The following CDKAL1 variants were observed in gnomAD, a reference collection of about 807,000 sequenced individuals.
CDKAL1 encodes the protein CDKAL1 threonylcarbamoyladenosine tRNA methylthiotransferase.
CDKAL1 carries 32 observed loss-of-function variants against 68.2 expected under a neutral mutation model. The ratio of observed to expected loss-of-function variants is 0.47; its 90% confidence interval spans 0.35 to 0.63. CDKAL1 has a LOEUF of 0.63. Among genes scored for constraint, CDKAL1 ranks in the 30% least tolerant of loss-of-function variants. The pLI is 0.00. For missense variants in CDKAL1, 606 were observed against 696.7 expected (o/e 0.87, Z 1.47); for synonymous variants, 234 against 244.3 (o/e 0.96, Z 0.39).
At chr6:21,191,630 T>TCACC (rs1778241743) in intron 13 of CDKAL1, among the ~76,000 whole-genome samples, 1 of 151,864 alleles carries the variant, frequency 6.6e-6, no homozygotes, top group South Asian at 2.1e-4. Context: ...ACTGAGCAAA[T>TCACC]CACCCATCTT....
intron 9 of CDKAL1, among the ~76,000 whole-genome samples, chr6:20,915,104 A>G (rs1762661130): frequency 6.6e-6 from 1 of 152,082 alleles, no homozygotes; most frequent in Non-Finnish European, 1.5e-5. Context: ...CATATCTAAA[A>G]GAAATATATA....
rs186417527 is a variant in CDKAL1 at position 20,975,512 on chromosome 6, G to A, written c.909+19927G>A. 3.9e-5 allele frequency among the ~76,000 whole-genome samples: 6 copies of A among 152,038 alleles called. No individual in the cohort carries two copies. The East Asian group carries it at 9.7e-4, about 24-fold the overall frequency. On this transcript the variant is annotated intron_variant, in intron 10 of 15. Transcript: ENST00000274695. Reference sequence around the variant, plus strand: ...TATATGCTTATTATATATTTCATTCGATGTCTTTGCATACATAACATCTAT... The same window carrying A: ...TATATGCTTATTATATATTTCATTCAATGTCTTTGCATACATAACATCTAT...
intron 8 of CDKAL1, among the ~76,000 whole-genome samples, chr6:20,826,381 C>T (rs1777502712): frequency 6.6e-6 from 1 of 151,974 alleles, no homozygotes; most frequent in African/African-American, 2.4e-5. Flanking sequence ...GCTTGCTTTT[C>T]TTGTGAAAGT....
chr6:20,909,814 C>T (rs1389836076), intron 9 of CDKAL1, among the ~76,000 whole-genome samples: 1 of 152,092 alleles, frequency 6.6e-6, no homozygotes, highest in East Asian at 1.9e-4. Context: ...CCAGGAGGGA[C>T]TGAGCAGCAG....
At chr6:20,588,547 C>T (rs1186758698) in intron 4 of CDKAL1, among the ~76,000 whole-genome samples, 1 of 152,182 alleles carries the variant, frequency 6.6e-6, no homozygotes, top group East Asian at 1.9e-4. Context: ...TACAGAATCT[C>T]TTTGAAGTTT....
At chr6:20,900,408 G>C (rs1761904263) in intron 9 of CDKAL1, among the ~76,000 whole-genome samples, 1 of 152,220 alleles carries the variant, frequency 6.6e-6, no homozygotes, top group Admixed American at 6.5e-5. Flanking sequence ...TTAGTAAGCT[G>C]TGAGAAGCAC....
intron 10 of CDKAL1, among the ~76,000 whole-genome samples, chr6:20,959,480 T>C (rs1764945079): frequency 2.6e-5 from 4 of 152,104 alleles, no homozygotes; most frequent in Admixed American, 2.0e-4. Flanking sequence ...TCAGGGTACT[T>C]ATTTTTTTCT....
Position 20,535,865 on chromosome 6 carries a change from G to A in CDKAL1, c.-6+471G>A, listed in dbSNP as rs554198592. Reference sequence around the variant, plus strand: ...AATGGGTATGAAGTGGTGTATTATTGTGGTTTGGATTTCCATTTCCCTGAT... The same window carrying A: ...AATGGGTATGAAGTGGTGTATTATTATGGTTTGGATTTCCATTTCCCTGAT... On this transcript the variant is annotated intron_variant, in intron 2 of 15. Coordinates refer to ENST00000274695, the MANE Select transcript of CDKAL1 (RefSeq NM_017774.3). Among the ~76,000 whole-genome samples, 11 of 152,248 alleles carry A rather than the reference G, an allele frequency of 7.2e-5. No individual in the cohort carries two copies. The South Asian group carries it at 1.7e-3, about 23-fold the overall frequency.
intron 11 of CDKAL1, among the ~76,000 whole-genome samples, chr6:21,004,241 T>C (rs1211666321): frequency 1.3e-5 from 2 of 152,214 alleles, no homozygotes; most frequent in Non-Finnish European, 2.9e-5. Context: ...TAATTTTCTT[T>C]GCAGTTGAAA....
At chr6:20,901,656 G>C (rs532229887) in intron 9 of CDKAL1, among the ~76,000 whole-genome samples, 2 of 127,258 alleles carry the variant, frequency 1.6e-5, no homozygotes, top group South Asian at 5.3e-4. Context: ...ACTCCAGCCT[G>C]GGCAAGAGTG....
At chr6:21,121,013 T>C (rs565997273) in intron 13 of CDKAL1, among the ~76,000 whole-genome samples, 1 of 152,216 alleles carries the variant, frequency 6.6e-6, no homozygotes, top group East Asian at 1.9e-4. Flanking sequence ...ACATATTAAA[T>C]CATGATAGAT....
intron 9 of CDKAL1, among the ~76,000 whole-genome samples, chr6:20,874,908 A>G (rs1283808210): frequency 6.6e-6 from 1 of 152,228 alleles, no homozygotes; most frequent in Non-Finnish European, 1.5e-5. Flanking sequence ...GATTAGGGAC[A>G]TTCCTACTCT....
At position 20,758,635 on chromosome 6, in the gene CDKAL1, C is replaced by G; in HGVS notation, c.509C>G (p.Thr170Arg). 1 of 1,605,764 alleles carries G rather than the reference C, an allele frequency of 6.2e-7. No individual in the cohort carries two copies. Among genetic ancestry groups the G allele is most frequent in the Non-Finnish European group, 8.5e-7 (1 of 1,175,888 alleles). ...CGTGTGGTAGAAGTTGTGGAGGAGA[C>G]AATTAAAGGTAATCGTTGAAAGTGA... ...IDRVVEVVEE[T>R]IKGHSVRLLG... Residue 170 changes from threonine to arginine, a missense_variant, in exon 7 of 16, where the codon ACA (threonine) becomes AGA (arginine). By Grantham distance (71) the Thr-to-Arg change is moderately conservative (BLOSUM62 -1). Coordinates refer to ENST00000274695, the MANE Select transcript of CDKAL1 (RefSeq NM_017774.3).
intron 9 of CDKAL1, among the ~76,000 whole-genome samples, chr6:20,848,517 G>A (rs1319712350): frequency 6.6e-6 from 1 of 152,080 alleles, no homozygotes; most frequent in African/African-American, 2.4e-5. Context: ...ATATCCAGGT[G>A]GGTTGGACTA....
intron 7 of CDKAL1, among the ~76,000 whole-genome samples, chr6:20,764,498 A>G (rs1774608596): frequency 6.6e-6 from 1 of 152,198 alleles, no homozygotes; most frequent in South Asian, 2.1e-4. Flanking sequence ...TACGTCACCA[A>G]GCAGCTTTCT....
intron 9 of CDKAL1, among the ~76,000 whole-genome samples, chr6:20,891,800 T>C (rs988749545): frequency 2.6e-5 from 4 of 152,218 alleles, no homozygotes; most frequent in Admixed American, 6.5e-5. Context: ...CCCAAAATGC[T>C]GGGATTACAG....
chr6:20,655,372 G>C (rs981763670), intron 5 of CDKAL1, among the ~76,000 whole-genome samples: 1 of 152,138 alleles, frequency 6.6e-6, no homozygotes, highest in Admixed American at 6.5e-5. Context: ...TAAAGTGGAG[G>C]TGTTCAGAAT....
At chr6:20,791,584 C>T (rs971613629) in intron 8 of CDKAL1, among the ~76,000 whole-genome samples, 13 of 152,020 alleles carry the variant, frequency 8.6e-5, no homozygotes, top group East Asian at 5.8e-4. Flanking sequence ...AGAAACATGC[C>T]GTACGCAGCA....
intron 13 of CDKAL1, among the ~76,000 whole-genome samples, chr6:21,185,640 T>G (rs1161117704): frequency 2.0e-5 from 3 of 152,198 alleles, no homozygotes. Flanking sequence ...CGTATCTATG[T>G]GTGTGTGCGT....
Sources: gnomAD v4.1 joint callset for allele counts (sites outside exome capture counted in the v4.1 genomes callset) on GRCh38, gnomAD v4.1.1 for gene constraint, MANE v1.5 for transcripts, NCBI Gene and HGNC (gene_info 2026-07-23, HGNC 2026-07-21) for gene names.